Variants in IQCM observed in about 807,000 individuals in gnomAD.
IQCM encodes IQ motif containing M, also known as IQ domain-containing protein M.
IQCM carries 45 observed loss-of-function variants against 57.6 expected under a neutral mutation model. The ratio of observed to expected loss-of-function variants is 0.78; its 90% CI spans 0.62 to 1.00. The LOEUF (loss-of-function observed/expected upper bound fraction) is 1.00. Ranked by LOEUF, IQCM falls within the 50% of genes least tolerant of loss-of-function variation. The pLI is 0.00. For synonymous variants in IQCM, 148 were observed against 158.9 expected (o/e 0.93, Z 0.51); for missense variants, 468 against 511.6 (o/e 0.91, Z 0.82).
chr4:149,698,293 T>G (rs1354725715), intron 5 of IQCM, among the ~76,000 whole-genome samples: 4 of 152,112 alleles, frequency 2.6e-5, no homozygotes, highest in African/African-American at 9.7e-5. Context: ...AATCCCGTAA[T>G]AGCAAATTTT....
At chr4:149,404,924 A>C (rs1732873919) in intron 13 of IQCM, among the ~76,000 whole-genome samples, 1 of 152,130 alleles carries the variant, frequency 6.6e-6, no homozygotes, top group Non-Finnish European at 1.5e-5. Flanking sequence ...TCTGTATTCT[A>C]TATAGCAAGC....
chr4:149,644,811 G>C (rs1408906040), intron 7 of IQCM, among the ~76,000 whole-genome samples: 1 of 152,172 alleles, frequency 6.6e-6, no homozygotes, highest in African/African-American at 2.4e-5. Context: ...ACACTCATTT[G>C]CATGTTAAAG....
chr4:149,368,775 T>C (rs1235593391), intron 13 of IQCM, among the ~76,000 whole-genome samples: 9 of 119,410 alleles, frequency 7.5e-5, no homozygotes, highest in Non-Finnish European at 1.3e-4. Context: ...TATATACATA[T>C]ATATACATGT....
intron 7 of IQCM, among the ~76,000 whole-genome samples, chr4:149,681,625 A>G (rs1027267137): frequency 4.0e-5 from 6 of 151,154 alleles, no homozygotes; most frequent in South Asian, 2.1e-4. Flanking sequence ...ACTTTACAAG[A>G]AGAGTTTTAC....
In IQCM at chr4:149,395,692, C is replaced by T. The variant is rs1732173016; in HGVS notation, c.1390+37704G>A. Among the ~76,000 whole-genome samples, 3 of 151,968 alleles carry T rather than the reference C, an allele frequency of 2.0e-5. No individual in the cohort carries two copies. The South Asian group carries it at 6.2e-4, about 32-fold the overall frequency. ...CTAAGTAGCTCACTTCGATTAGCTA[C>T]AACCATTTCTATCAGGAGACAGGAA... On this transcript the variant is annotated intron_variant, in intron 13 of 13. Coordinates refer to ENST00000636793, the MANE Select transcript of IQCM (RefSeq NM_001363507.2).
At chr4:149,809,973 G>C (rs960741801) in intron 2 of IQCM, among the ~76,000 whole-genome samples, 1 of 152,044 alleles carries the variant, frequency 6.6e-6, no homozygotes, top group Non-Finnish European at 1.5e-5. Context: ...TGTCTGATTA[G>C]CACATTTCCA....
intron 7 of IQCM, among the ~76,000 whole-genome samples, chr4:149,654,972 A>G (rs1759512628): frequency 6.6e-6 from 1 of 152,130 alleles, no homozygotes; most frequent in African/African-American, 2.4e-5. Context: ...TCTTTTAACA[A>G]TTTCTCCTTA....
chr4:149,447,111 G>T (rs1286631368), intron 12 of IQCM, among the ~76,000 whole-genome samples: 1 of 151,472 alleles, frequency 6.6e-6, no homozygotes, highest in Non-Finnish European at 1.5e-5. Flanking sequence ...ATGTAACACA[G>T]CTAAAGGATG....
At chr4:149,423,410 A>ACGACACTTG (rs1187576429) in intron 13 of IQCM, among the ~76,000 whole-genome samples, 1 of 152,054 alleles carries the variant, frequency 6.6e-6, no homozygotes, top group African/African-American at 2.4e-5. Flanking sequence ...GGTTCCTCCC[A>ACGACACTTG]CGACACTTGG....
chr4:149,458,815 T>A (rs992501333), intron 12 of IQCM, among the ~76,000 whole-genome samples: 5 of 152,164 alleles, frequency 3.3e-5, no homozygotes, highest in African/African-American at 1.2e-4. Flanking sequence ...GCAGATATAA[T>A]CTATAAAAAC....
intron 12 of IQCM, among the ~76,000 whole-genome samples, chr4:149,523,885 G>A (rs1745905278): frequency 6.6e-6 from 1 of 152,064 alleles, no homozygotes; most frequent in African/African-American, 2.4e-5. Context: ...AAGGAAAAGG[G>A]CAGAGTAAAC....
At chr4:149,706,709 C>T (rs374719248) in intron 5 of IQCM, among the ~76,000 whole-genome samples, 9 of 151,906 alleles carry the variant, frequency 5.9e-5, no homozygotes, top group South Asian at 2.1e-4. Context: ...CATGATGTAA[C>T]GTAGCATAAT....
At chr4:149,505,264 G>A (rs571674416) in intron 12 of IQCM, among the ~76,000 whole-genome samples, 1 of 152,246 alleles carries the variant, frequency 6.6e-6, no homozygotes, top group South Asian at 2.1e-4. Context: ...CTCAGTTATA[G>A]AACATCAATG....
chr4:149,760,197 G>A (rs757473400), intron 2 of IQCM, among the ~76,000 whole-genome samples: 3 of 151,982 alleles, frequency 2.0e-5, no homozygotes, highest in Non-Finnish European at 4.4e-5. Context: ...AAGGCAATGG[G>A]TCTTACATCG....
intron 12 of IQCM, among the ~76,000 whole-genome samples, chr4:149,489,567 T>C (rs1196485629): frequency 6.6e-6 from 1 of 151,984 alleles, no homozygotes; most frequent in East Asian, 1.9e-4. Context: ...AATTCACCAG[T>C]GATAATGAAT....
intron 12 of IQCM, among the ~76,000 whole-genome samples, chr4:149,519,769 C>G (rs1216643256): frequency 2.0e-5 from 3 of 152,014 alleles, no homozygotes; most frequent in African/African-American, 7.2e-5. Context: ...CTTTGGGAGG[C>G]TGAAGCGAGT....
chr4:149,598,111 T>C (rs892933551), intron 8 of IQCM, among the ~76,000 whole-genome samples: 8 of 152,164 alleles, frequency 5.3e-5, no homozygotes, highest in African/African-American at 1.7e-4. Context: ...TTTTGCCAAC[T>C]GACCCTTACT....
intron 12 of IQCM, among the ~76,000 whole-genome samples, chr4:149,498,268 A>C (rs1367545807): frequency 6.6e-5 from 10 of 152,174 alleles, no homozygotes; most frequent in Non-Finnish European, 1.2e-4. Flanking sequence ...GGTTGCAAGA[A>C]GGAGACCAAC....
At chr4:149,637,168 A>G (rs1464183220) in intron 7 of IQCM, among the ~76,000 whole-genome samples, 1 of 151,352 alleles carries the variant, frequency 6.6e-6, no homozygotes, top group Admixed American at 6.6e-5. Flanking sequence ...AAAAGAAAAA[A>G]AAAAAAAAAA....
Sources: allele counts gnomAD v4.1 joint callset (sites outside exome capture counted in the v4.1 genomes callset), GRCh38; gene constraint gnomAD v4.1.1; transcripts MANE v1.5; gene names NCBI Gene and HGNC (gene_info 2026-07-23, HGNC 2026-07-21).